GPC6: variants seen among roughly 807,000 people sequenced by gnomAD.
GPC6 encodes glypican 6.
GPC6 carries 14 observed loss-of-function variants against 55.2 expected under a neutral mutation model. The ratio of observed to expected loss-of-function variants is 0.25; its 90% confidence interval spans 0.17 to 0.40. GPC6 has a LOEUF of 0.40. GPC6 is among the 10% of genes least tolerant of loss of function. The probability of loss-of-function intolerance (pLI) is 1.00; values close to 1 mark genes in which losing one functional copy is unlikely to be tolerated. For missense variants in GPC6, 641 were observed against 708.5 expected, an observed-to-expected ratio of 0.90 and a Z score of 1.08; for synonymous variants, 278 against 259.6, an observed-to-expected ratio of 1.07 and a Z score of -0.68.
intron 1 of GPC6, among the ~76,000 whole-genome samples, chr13:93,459,967 T>G (rs1594185261): frequency 6.6e-6 from 1 of 152,358 alleles, no homozygotes; most frequent in Non-Finnish European, 1.5e-5. Flanking sequence ...CCTGTTCACA[T>G]GTTAAGCTGC....
intron 3 of GPC6, among the ~76,000 whole-genome samples, chr13:93,882,482 G>A (rs1193064591): frequency 1.3e-5 from 2 of 152,004 alleles, no homozygotes; most frequent in Non-Finnish European, 2.9e-5. Context: ...AATCCCTTCA[G>A]ATTGTTTATA....
At chr13:94,082,092 C>T (rs1026977783) in intron 4 of GPC6, among the ~76,000 whole-genome samples, 5 of 152,076 alleles carry the variant, frequency 3.3e-5, no homozygotes, top group Non-Finnish European at 5.9e-5. Flanking sequence ...CCACCTGCCT[C>T]GGCCTCCCAA....
In GPC6 at chr13:93,259,891, A is replaced by C. The variant is rs114000617; in HGVS notation, c.160+32275A>C. Among the ~76,000 whole-genome samples the C allele has an allele frequency of 7.5e-3, 1,137 of 152,250 alleles. 17 individuals carry two copies. Among genetic ancestry groups the C allele is most frequent in the African/African-American group, 0.026 (1,078 of 41,556 alleles). On this transcript the variant is annotated intron_variant, in intron 1 of 8. Coordinates refer to ENST00000377047, the MANE Select transcript of GPC6 (RefSeq NM_005708.5). The stretch of plus-strand genomic sequence containing the variant: ...TTACTGGATGTCATGATGACTGTAT[A>C]TCTCATTATTCATGTTGTATAACCT...
intron 2 of GPC6, among the ~76,000 whole-genome samples, chr13:93,588,550 A>T (rs919598724): frequency 7.9e-5 from 12 of 152,278 alleles, no homozygotes; most frequent in African/African-American, 2.9e-4. Flanking sequence ...TGGGTAATTT[A>T]TGAAAAAAAG....
intron 2 of GPC6, among the ~76,000 whole-genome samples, chr13:93,625,440 C>T (rs1371840007): frequency 6.6e-6 from 1 of 152,158 alleles, no homozygotes; most frequent in East Asian, 1.9e-4. Flanking sequence ...AAGCTGTGTG[C>T]TACCGGTGAG....
intron 2 of GPC6, among the ~76,000 whole-genome samples, chr13:93,756,609 A>G (rs918528171): frequency 1.4e-4 from 22 of 152,204 alleles, no homozygotes; most frequent in Non-Finnish European, 2.6e-4. Context: ...CCAAGGCAGA[A>G]GCATGAGAAT....
At chr13:93,832,021 C>CG (rs1308304374) in intron 3 of GPC6, among the ~76,000 whole-genome samples, 1 of 125,356 alleles carries the variant, frequency 8.0e-6, no homozygotes. Context: ...ACCTGGGAGG[C>CG]GGGGCTTGCA....
chr13:94,148,218 C>T (rs1336575558), intron 4 of GPC6, among the ~76,000 whole-genome samples: 6 of 152,148 alleles, frequency 3.9e-5, no homozygotes, highest in Non-Finnish European at 7.3e-5. Flanking sequence ...TATGTGCCTT[C>T]AGTATCGAGC....
chr13:94,202,815 G>T (rs947955023), intron 4 of GPC6, among the ~76,000 whole-genome samples: 3 of 152,152 alleles, frequency 2.0e-5, no homozygotes, highest in Non-Finnish European at 4.4e-5. Flanking sequence ...AGTCAGCAGA[G>T]CCCGGGAGTA....
chr13:93,769,045 T>C (rs1293148273), intron 2 of GPC6, among the ~76,000 whole-genome samples: 1 of 150,048 alleles, frequency 6.7e-6, no homozygotes, highest in Non-Finnish European at 1.5e-5. Flanking sequence ...AAATTAACAT[T>C]AGCAAAAAAA....
intron 1 of GPC6, among the ~76,000 whole-genome samples, chr13:93,480,952 G>A (rs942792755): frequency 6.6e-6 from 1 of 152,132 alleles, no homozygotes; most frequent in African/African-American, 2.4e-5. Flanking sequence ...TTCATTTTTA[G>A]TGAGTGAATA....
At chr13:93,357,020 A>G (rs1566314803) in intron 1 of GPC6, among the ~76,000 whole-genome samples, 1 of 152,188 alleles carries the variant, frequency 6.6e-6, no homozygotes, top group Non-Finnish European at 1.5e-5. Flanking sequence ...TTTTTGGAAA[A>G]CAGCAAGAAA....
chr13:94,102,003 T>C (rs199506164), intron 4 of GPC6, among the ~76,000 whole-genome samples: 1 of 152,126 alleles, frequency 6.6e-6, no homozygotes, highest in East Asian at 1.9e-4. Context: ...GCAAAATGCA[T>C]TTAAAATCTA....
intron 3 of GPC6, among the ~76,000 whole-genome samples, chr13:94,014,148 A>G (rs1882362926): frequency 6.6e-6 from 1 of 152,142 alleles, no homozygotes; most frequent in Non-Finnish European, 1.5e-5. Context: ...AGATAGTTTC[A>G]GAGTGTAGAC....
At chr13:94,240,445 A>G (rs1891020751) in intron 4 of GPC6, among the ~76,000 whole-genome samples, 1 of 152,100 alleles carries the variant, frequency 6.6e-6, no homozygotes, top group Non-Finnish European at 1.5e-5. Flanking sequence ...AATGGCCTTA[A>G]GGTCTAAAGC....
chr13:93,318,748 A>G (rs1484906470), intron 1 of GPC6, among the ~76,000 whole-genome samples: 2 of 152,150 alleles, frequency 1.3e-5, no homozygotes, highest in African/African-American at 4.8e-5. Context: ...GCAATTGGCA[A>G]TGTGAGGAAG....
At chr13:94,399,880 T>G (rs984204052) in intron 8 of GPC6, among the ~76,000 whole-genome samples, 3 of 152,228 alleles carry the variant, frequency 2.0e-5, no homozygotes, top group Non-Finnish European at 4.4e-5. Context: ...GCTTCACCCT[T>G]GTTAGCACTT....
chr13:93,295,375 A>G (rs1373765234), intron 1 of GPC6, among the ~76,000 whole-genome samples: 1 of 151,914 alleles, frequency 6.6e-6, no homozygotes, highest in African/African-American at 2.4e-5. Flanking sequence ...CTTAAACAAC[A>G]AACTGATTTC....
intron 2 of GPC6, among the ~76,000 whole-genome samples, chr13:93,814,319 A>G (rs1220109449): frequency 6.6e-6 from 1 of 152,174 alleles, no homozygotes; most frequent in Non-Finnish European, 1.5e-5. Context: ...GCATGTTTTA[A>G]TTATTGATTT....
Sources: allele counts gnomAD v4.1 joint callset (sites outside exome capture counted in the v4.1 genomes callset), GRCh38; gene constraint gnomAD v4.1.1; transcripts MANE v1.5; gene names NCBI Gene and HGNC (gene_info 2026-07-23, HGNC 2026-07-21).